The following ZNF276 variants were observed in gnomAD, a reference collection of about 807,000 sequenced individuals.
ZNF276 encodes the protein zinc finger protein 276, also known as centromere protein Z.
Under a neutral mutation model 63.9 loss-of-function variants are expected in ZNF276, and 59 were observed. That is an observed-to-expected ratio of 0.92 (90% CI 0.75 to 1.15). The LOEUF (loss-of-function observed/expected upper bound fraction) is 1.15. Ranked by LOEUF, ZNF276 falls within the 50% of genes most tolerant of loss-of-function variation. ZNF276 has a pLI of 0.00. For missense variants in ZNF276, 1,084 were observed against 843.8 expected (o/e 1.28, Z -3.53); for synonymous variants, 496 against 348.4 (o/e 1.42, Z -4.72).
rs923603831 is a variant in ZNF276, at chr16:89,736,820, C to T, written c.1475-986C>T. Among the ~76,000 whole-genome samples the T allele has an allele frequency of 5.8e-4, 51 of 87,712 alleles. 1 individual carries two copies. Among genetic ancestry groups the T allele is most frequent in the Middle Eastern group, 5.3e-3 (1 of 188 alleles). 57.5% of individuals were successfully genotyped at this position (87,712 alleles called of 152,430 possible). A position where few individuals can be genotyped will look rare whatever the true frequency, so the allele number is the denominator to read the frequency against. On this transcript the variant is annotated intron_variant, in intron 9 of 10. Coordinates refer to ENST00000443381, the MANE Select transcript of ZNF276 (RefSeq NM_001113525.2). Reference sequence around the variant, plus strand: ...CAAAAAAAAAAAAAAAAAAAGAATCCCTTGAACCTGGGAGGTGGAGTTTCC... The same window carrying T: ...CAAAAAAAAAAAAAAAAAAAGAATCTCTTGAACCTGGGAGGTGGAGTTTCC...
chr16:89,735,887 T>TTTTG (rs201188227), intron 9 of ZNF276, among the ~76,000 whole-genome samples: 13 of 53,804 alleles, frequency 2.4e-4, no homozygotes, highest in Admixed American at 4.8e-4. Context: ...GGGTGTTTTT[T>TTTTG]TTTGTTTGTT....
Position 89,740,388 on chromosome 16 carries a change from C to T in ZNF276, c.*2142C>T. ...GATGCAGTGGCTCATGCCTGTAATC[C>T]CAACACTTTGGGAGGCCGAGGTCGG... is the stretch of plus-strand genomic sequence containing the variant. On this transcript the variant is annotated 3_prime_UTR_variant, in exon 11 of 11. Coordinates refer to ENST00000443381, the MANE Select transcript of ZNF276 (RefSeq NM_001113525.2). 6.0e-6 allele frequency: 3 copies of T among 498,196 alleles called. No homozygotes were observed. The South Asian group carries it at 6.8e-5, about 11-fold the overall frequency. The allele number at this position is 498,196 out of a possible 1,614,324, so 30.9% of individuals were successfully genotyped here.
At chr16:89,737,301 C>T (rs920657578) in intron 9 of ZNF276, among the ~76,000 whole-genome samples, 3 of 152,154 alleles carry the variant, frequency 2.0e-5, no homozygotes, top group Non-Finnish European at 4.4e-5. Context: ...GCAGGCAGAT[C>T]ACAAGGTCAG....
intron 6 of ZNF276, among the ~76,000 whole-genome samples, chr16:89,729,637 C>T (rs2061582785): frequency 6.6e-6 from 1 of 152,128 alleles, no homozygotes; most frequent in African/African-American, 2.4e-5. Flanking sequence ...GCTCTTACGT[C>T]CCTTCTGCCG....
chr16:89,733,911 TC>T lies in ZNF276; in HGVS notation c.1357-9del, dbSNP rs774330518. ...GGCTCTGAGGGTCTCTCACCGAGTCTCTCCTTCAGAAGCACATCAAGGAGCA... is the reference window on the plus strand; with the variant it reads ...GGCTCTGAGGGTCTCTCACCGAGTCTTCCTTCAGAAGCACATCAAGGAGCA... On this transcript the variant is annotated splice_polypyrimidine_tract_variant and intron_variant, in intron 8 of 10. Transcript: ENST00000443381. 6.2e-7 allele frequency: 1 copy of T among 1,612,240 alleles called. No individual in the cohort carries two copies. The highest frequency in any genetic ancestry group is 1.1e-5 in the South Asian group (1 of 91,060).
At chr16:89,734,196 A>G (rs911929816) in intron 9 of ZNF276, among the ~76,000 whole-genome samples, 158 bp downstream of exon 9, 3 of 152,246 alleles carry the variant, frequency 2.0e-5, no homozygotes, top group South Asian at 2.1e-4. Flanking sequence ...GATGAAGGCT[A>G]GAGTAGGGCG....
chr16:89,720,874 G>A (rs2061247073), upstream of ZNF276: 10 of 1,354,636 alleles, frequency 7.4e-6, no homozygotes, highest in Non-Finnish European at 9.5e-6. Flanking sequence ...CGCCGAGCGG[G>A]GGAGGCGGCG....
In ZNF276 at chr16:89,738,767, GAGGGGCTCTGGCAGAA is replaced by G. The variant is rs751166862; in HGVS notation, c.*523_*538del. 4.8e-5 allele frequency: 78 copies of G among 1,612,574 alleles called. No homozygotes were observed. In the East Asian group the frequency reaches 1.6e-3, roughly 33 times the overall value. On this transcript the variant is annotated 3_prime_UTR_variant, in exon 11 of 11. Coordinates refer to ENST00000443381, the MANE Select transcript of ZNF276 (RefSeq NM_001113525.2). ...GCCCACTAGGCCTCAGACCACAGGG[GAGGGGCTCTGGCAGAA>G]ATAGTCGAGTTGTATTGCCAGCCAG...
chr16:89,721,428 C>A, upstream of ZNF276: 1 of 432,820 alleles, frequency 2.3e-6, no homozygotes, highest in Non-Finnish European at 4.0e-6. Flanking sequence ...GGGAGCGGTA[C>A]GAGCGGGGGC....
Position 89,740,669 on chromosome 16 carries a change from G to C in ZNF276, c.*2423G>C. 2.9e-6 allele frequency: 2 copies of C among 697,696 alleles called. No homozygotes were observed. The highest frequency in any genetic ancestry group is 3.3e-5 in the South Asian group (2 of 61,306). 43.2% of individuals were successfully genotyped at this position (697,696 alleles called of 1,614,324 possible). A position where few individuals can be genotyped will look rare whatever the true frequency, so the allele number is the denominator to read the frequency against. On this transcript the variant is annotated 3_prime_UTR_variant, in exon 11 of 11. Transcript: ENST00000443381. ...AAAAAAAAAAACCCACGGCCTGGGA[G>C]TTCTCACTCACACTTCCGCAAACAC...
chr16:89,735,891 G>GTTT (rs1206938214), intron 9 of ZNF276, among the ~76,000 whole-genome samples: 9 of 48,360 alleles, frequency 1.9e-4, no homozygotes, highest in Non-Finnish European at 1.5e-4. Context: ...GTTTTTTTTT[G>GTTT]TTTGTTTGTT....
In ZNF276 at chr16:89,737,843, C is replaced by A. The variant is rs530844175; in HGVS notation, c.1512C>A (p.Thr504=). ...RNYICDECGQ[T]FKQRKHLLVH... ...ATATCTGTGACGAATGTGGACAAAC[C>A]TTCAAGCAGCGGAAGCACCTTCTCG... is the stretch of plus-strand genomic sequence containing the variant. The change falls in exon 10 of 11, where the codon ACC becomes ACA. Residue 504 remains threonine, a synonymous_variant. Transcript: ENST00000443381. The A allele has an allele frequency of 6.2e-7, 1 of 1,614,174 alleles. No homozygotes were observed. The highest frequency in any genetic ancestry group is 1.7e-5 in the Admixed American group (1 of 60,012).
In ZNF276 at chr16:89,738,869, A is replaced by G; in HGVS notation, c.*623A>G. On this transcript the variant is annotated 3_prime_UTR_variant, in exon 11 of 11. Transcript: ENST00000443381. ...GTCCCCCACATGGCCCAAGGTGGGC[A>G]TCTTGACGTTACCTCTGCCACGTGT... 1 of 1,614,254 alleles carries G rather than the reference A, an allele frequency of 6.2e-7. No homozygotes were observed.
chr16:89,740,442 C>T lies in ZNF276; in HGVS notation c.*2196C>T. 3 of 457,432 alleles carry T rather than the reference C, an allele frequency of 6.6e-6. No homozygotes were observed. In the South Asian group the frequency reaches 7.2e-5, roughly 11 times the overall value. 28.3% of individuals were successfully genotyped at this position (457,432 alleles called of 1,614,324 possible). On this transcript the variant is annotated 3_prime_UTR_variant, in exon 11 of 11. Transcript: ENST00000443381. Reference sequence around the variant, plus strand: ...ATCACTGAGGCCAGTTCAAGACCAGCCTGGCAATATGGTGAAACCCCGTCT... The same window carrying T: ...ATCACTGAGGCCAGTTCAAGACCAGTCTGGCAATATGGTGAAACCCCGTCT...
intron 6 of ZNF276, among the ~76,000 whole-genome samples, 191 bp downstream of exon 6, chr16:89,729,509 G>A (rs772128008): frequency 1.3e-5 from 2 of 152,108 alleles, no homozygotes; most frequent in African/African-American, 2.4e-5. Context: ...TGAGAAGGTG[G>A]GTCCTCCTGG....
rs754274108 is a variant in ZNF276 at position 89,738,843 on chromosome 16, T to G, written c.*597T>G. On this transcript the variant is annotated 3_prime_UTR_variant, in exon 11 of 11. Coordinates refer to ENST00000443381, the MANE Select transcript of ZNF276 (RefSeq NM_001113525.2). ...TGGCCCAGGCAGCTGTCAATTCTCA[T>G]GTCCCCCACATGGCCCAAGGTGGGC... 4.3e-6 allele frequency: 7 copies of G among 1,614,184 alleles called. No homozygotes were observed. In the Admixed American group the frequency reaches 8.3e-5, roughly 19 times the overall value.
intron 9 of ZNF276, among the ~76,000 whole-genome samples, chr16:89,735,574 T>C (rs2061831509): frequency 6.6e-6 from 1 of 152,120 alleles, no homozygotes; most frequent in Admixed American, 6.6e-5. Context: ...AGCAGTTCCT[T>C]AAAAACCTGA....
At chr16:89,722,986 T>C in intron 2 of ZNF276, 151 bp from the exon 3 acceptor site, 1 of 1,575,998 alleles carries the variant, frequency 6.3e-7, no homozygotes, top group Non-Finnish European at 8.6e-7. Flanking sequence ...GGGACTGTTG[T>C]GGAGAGATGA....
At chr16:89,731,303 G>C (rs2061642502) in intron 6 of ZNF276, among the ~76,000 whole-genome samples, 1 of 152,246 alleles carries the variant, frequency 6.6e-6, no homozygotes, top group South Asian at 2.1e-4. Context: ...GCCCAGACTG[G>C]AGTGCAGTGG....
Sources: allele counts gnomAD v4.1 joint callset (sites outside exome capture counted in the v4.1 genomes callset), GRCh38; gene constraint gnomAD v4.1.1; transcripts MANE v1.5; gene names NCBI Gene and HGNC (gene_info 2026-07-23, HGNC 2026-07-21).